Variants in THSD4 observed in about 807,000 individuals in gnomAD.
The protein encoded by THSD4 is thrombospondin type 1 domain containing 4.
A neutral mutation model predicts 119.0 loss-of-function variants in THSD4; 69 were observed. The observed-to-expected ratio is 0.58, with a 90% confidence interval of 0.48 to 0.71. The LOEUF is 0.71. Among genes scored for constraint, THSD4 ranks in the 30% least tolerant of loss-of-function variants. The pLI, the probability that THSD4 is intolerant of heterozygous loss-of-function variation, is 0.00. For missense variants in THSD4, 1,393 were observed against 1,391.1 expected, an observed-to-expected ratio of 1.00 and a Z score of -0.02; for synonymous variants, 524 against 540.4, an observed-to-expected ratio of 0.97 and a Z score of 0.42.
rs1161295684 is a variant in THSD4, at chr15:71,728,506, C to T, written c.1358-43C>T. ...GGGAGTCAGTTCTGTTTCTTGTGCACACCCTGGGCTTACCCAAAGAACTGT... is the reference window on the plus strand; with the variant it reads ...GGGAGTCAGTTCTGTTTCTTGTGCATACCCTGGGCTTACCCAAAGAACTGT... On this transcript the variant is annotated intron_variant, in intron 8 of 17. Transcript: ENST00000261862. 7 of 1,604,534 alleles carry T rather than the reference C, an allele frequency of 4.4e-6. No individual in the cohort carries two copies. In the African/African-American group the frequency reaches 9.4e-5, roughly 21 times the overall value.
intron 6 of THSD4, among the ~76,000 whole-genome samples, chr15:71,292,620 C>A (rs926306691): frequency 6.6e-6 from 1 of 151,400 alleles, no homozygotes; most frequent in East Asian, 1.9e-4. Flanking sequence ...GTTCTTGTTT[C>A]ATGGATGCAC....
chr15:71,502,896 A>G (rs185789678), intron 7 of THSD4, among the ~76,000 whole-genome samples: 1 of 152,332 alleles, frequency 6.6e-6, no homozygotes, highest in East Asian at 1.9e-4. Context: ...CAGCCCTTGT[A>G]TGTGCCAGGT....
intron 7 of THSD4, among the ~76,000 whole-genome samples, chr15:71,609,557 G>GA (rs148116922): frequency 2.8e-4 from 42 of 151,778 alleles, no homozygotes; most frequent in African/African-American, 7.2e-4. Flanking sequence ...GAGAGTATAA[G>GA]AAAAAAAACA....
intron 7 of THSD4, among the ~76,000 whole-genome samples, chr15:71,556,982 T>C (rs987887548): frequency 1.3e-5 from 2 of 152,150 alleles, no homozygotes; most frequent in South Asian, 4.1e-4. Context: ...CCAATTTTTA[T>C]AATTTTTATT....
intron 4 of THSD4, among the ~76,000 whole-genome samples, chr15:71,236,016 C>G (rs1019860500): frequency 1.3e-5 from 2 of 152,126 alleles, no homozygotes; most frequent in Non-Finnish European, 2.9e-5. Flanking sequence ...TTCCACTTTA[C>G]TGTGGGGTTC....
chr15:71,257,691 T>C (rs2044336012), intron 6 of THSD4, among the ~76,000 whole-genome samples: 1 of 152,104 alleles, frequency 6.6e-6, no homozygotes, highest in African/African-American at 2.4e-5. Flanking sequence ...TTAGAGGCCC[T>C]TGGGGAGGAG....
At chr15:71,426,958 A>G (rs1445880202) in intron 7 of THSD4, among the ~76,000 whole-genome samples, 2 of 152,202 alleles carry the variant, frequency 1.3e-5, no homozygotes, top group East Asian at 3.8e-4. Context: ...TTTCCTAGAA[A>G]TAATCATGAA....
At chr15:71,689,298 C>T (rs12898661) in intron 8 of THSD4, among the ~76,000 whole-genome samples, 1 of 152,146 alleles carries the variant, frequency 6.6e-6, no homozygotes, top group South Asian at 2.1e-4. Flanking sequence ...CCGGAAGCAG[C>T]GTCTGTGAAG....
chr15:71,476,244 T>C (rs567367116), intron 7 of THSD4, among the ~76,000 whole-genome samples: 2 of 152,230 alleles, frequency 1.3e-5, no homozygotes, highest in African/African-American at 4.8e-5. Context: ...TATATTCCTT[T>C]TTTTTGAGGC....
chr15:71,648,731 C>T (rs2051022103), intron 7 of THSD4, among the ~76,000 whole-genome samples: 2 of 152,160 alleles, frequency 1.3e-5, no homozygotes, highest in South Asian at 4.1e-4. Context: ...CAAGCCTCCC[C>T]TGTTGGTAGA....
intron 6 of THSD4, among the ~76,000 whole-genome samples, chr15:71,373,843 TG>T (rs1488253634): frequency 6.6e-6 from 1 of 152,154 alleles, no homozygotes; most frequent in Admixed American, 6.5e-5. Flanking sequence ...AGTGAGTGAG[TG>T]TTTCTTGGAG....
At position 71,777,242 on chromosome 15, in the gene THSD4, C is replaced by T; in HGVS notation, c.2925C>T (p.Cys975=). 1.9e-6 allele frequency: 3 copies of T among 1,614,206 alleles called. No homozygotes were observed. Among genetic ancestry groups the T allele is most frequent in the Non-Finnish European group, 2.5e-6 (3 of 1,180,030 alleles). The change falls in exon 18 of 18, where the codon TGC becomes TGT. Residue 975 remains cysteine, a synonymous_variant. Transcript: ENST00000261862. ...TCTCTTTCGCTACAGATGAAAACTG[C>T]AAGGACAAGTACTACAACTGCAACG... ...QDCVPEVDEN[C]KDKYYNCNVV...
intron 14 of THSD4, among the ~76,000 whole-genome samples, chr15:71,755,661 A>T (rs1477844108): frequency 7.2e-6 from 1 of 139,666 alleles, no homozygotes; most frequent in Non-Finnish European, 1.5e-5. Flanking sequence ...AGAATTAGAG[A>T]TGATTCGTTA....
At chr15:71,762,023 G>A (rs924096011) in intron 15 of THSD4, among the ~76,000 whole-genome samples, 1 of 152,150 alleles carries the variant, frequency 6.6e-6, no homozygotes, top group African/African-American at 2.4e-5. Context: ...TGTGCATTTG[G>A]ACTATAGTTT....
Position 71,746,941 on chromosome 15 carries a change from G to C in THSD4, c.2140G>C (p.Val714Leu). Residue 714 changes from valine (V) to leucine (L), a missense_variant, in exon 13 of 18, where the codon GTG becomes CTG. Coordinates refer to ENST00000261862, the MANE Select transcript of THSD4 (RefSeq NM_024817.3). ...GGTGTACGCCAACCGCAGCCTGACG[G>C]TGCAGCCCTACCGCTGCCAGCACCT... is the stretch of plus-strand genomic sequence containing the variant. ...RQVYANRSLT[V>L]QPYRCQHLEK... 1 of 1,613,840 alleles carries C rather than the reference G, an allele frequency of 6.2e-7. No individual in the cohort carries two copies. The highest frequency in any genetic ancestry group is 1.6e-4 in the Middle Eastern group (1 of 6,062).
intron 7 of THSD4, among the ~76,000 whole-genome samples, chr15:71,580,006 T>C (rs1204080183): frequency 6.6e-6 from 1 of 152,076 alleles, no homozygotes; most frequent in Non-Finnish European, 1.5e-5. Context: ...CTGTGACTAA[T>C]TGGAGATATT....
intron 6 of THSD4, among the ~76,000 whole-genome samples, chr15:71,393,692 T>G (rs1281780719): frequency 1.3e-5 from 2 of 152,172 alleles, no homozygotes; most frequent in Non-Finnish European, 2.9e-5. Context: ...AGATTGTTAA[T>G]TCAATTGAGC....
intron 7 of THSD4, among the ~76,000 whole-genome samples, chr15:71,626,796 G>A (rs79345527): frequency 0.024 from 3,694 of 152,196 alleles, 68 homozygotes; most frequent in Non-Finnish European, 0.038. Context: ...GCATTGACGT[G>A]TTATTTTCTC....
intron 6 of THSD4, among the ~76,000 whole-genome samples, chr15:71,261,131 A>G (rs562794908): frequency 6.6e-6 from 1 of 152,296 alleles, no homozygotes; most frequent in East Asian, 1.9e-4. Flanking sequence ...TGCAGATCTA[A>G]TTAAGATATA....
Sources: allele counts gnomAD v4.1 joint callset (sites outside exome capture counted in the v4.1 genomes callset), GRCh38; gene constraint gnomAD v4.1.1; transcripts MANE v1.5; gene names NCBI Gene and HGNC (gene_info 2026-07-23, HGNC 2026-07-21).